SUGCT: variants seen among roughly 807,000 people sequenced by gnomAD.
SUGCT encodes the protein succinyl-CoA:glutarate-CoA transferase.
SUGCT carries 41 observed loss-of-function variants against 55.0 expected under a neutral mutation model. The ratio of observed to expected loss-of-function variants is 0.74; its 90% CI spans 0.58 to 0.97. The LOEUF is 0.97. SUGCT is among the 50% of genes least tolerant of loss of function. The pLI, the probability that SUGCT is intolerant of heterozygous loss-of-function variation, is 0.00. For missense variants in SUGCT, 568 were observed against 547.8 expected, an observed-to-expected ratio of 1.04 and a Z score of -0.37; for synonymous variants, 187 against 200.4, an observed-to-expected ratio of 0.93 and a Z score of 0.56.
chr7:40,707,511 T>C (rs1785485726), intron 12 of SUGCT, among the ~76,000 whole-genome samples: 1 of 152,186 alleles, frequency 6.6e-6, no homozygotes, highest in Non-Finnish European at 1.5e-5. Flanking sequence ...AAACAAATCA[T>C]GGAGAATGTA....
intron 11 of SUGCT, among the ~76,000 whole-genome samples, chr7:40,478,217 C>G (rs1790815231): frequency 6.6e-6 from 1 of 151,944 alleles, no homozygotes; most frequent in South Asian, 2.1e-4. Context: ...TGTTGCCTAG[C>G]TTTGTCTTGA....
chr7:40,191,856 T>A (rs575673130), intron 5 of SUGCT, among the ~76,000 whole-genome samples: 157 of 152,312 alleles, frequency 1.0e-3, no homozygotes, highest in African/African-American at 3.5e-3. Flanking sequence ...ACGCCTGTAA[T>A]CCCAGCACTT....
chr7:40,570,133 G>A (rs1796361939), intron 12 of SUGCT, among the ~76,000 whole-genome samples: 1 of 152,200 alleles, frequency 6.6e-6, no homozygotes, highest in Non-Finnish European at 1.5e-5. Flanking sequence ...TTAGTTACCT[G>A]AAGTTGCTAC....
At chr7:40,942,215 G>C in the SUGCT span, among the ~76,000 whole-genome samples, 4 of 152,092 alleles carry the variant, frequency 2.6e-5, no homozygotes, top group South Asian at 2.1e-4. Flanking sequence ...TTTGTTTCAA[G>C]ATTTAGAATT....
chr7:40,539,399 A>G (rs939263400), intron 12 of SUGCT: 1 of 152,230 alleles, frequency 6.6e-6, no homozygotes, highest in Non-Finnish European at 1.5e-5. Flanking sequence ...AAAAAAATGT[A>G]TCTATGAATG....
In SUGCT at chr7:40,741,559, C is replaced by T. The variant is rs995697254; in HGVS notation, c.1090-7875C>T. ...AGGAAAATTATTTGTCATTACCCAACAAGTGAAGATATATTTAACACTATG... is the reference window on the plus strand; with the variant it reads ...AGGAAAATTATTTGTCATTACCCAATAAGTGAAGATATATTTAACACTATG... On this transcript the variant is annotated intron_variant, in intron 12 of 13. Coordinates refer to ENST00000335693, the MANE Select transcript of SUGCT (RefSeq NM_001193313.2). Among the ~76,000 whole-genome samples the T allele has an allele frequency of 3.3e-5, 5 of 152,256 alleles. No homozygotes were observed. In the South Asian group the frequency reaches 1.0e-3, roughly 32 times the overall value.
chr7:40,484,591 A>G (rs980872101), intron 11 of SUGCT, among the ~76,000 whole-genome samples: 7 of 152,276 alleles, frequency 4.6e-5, no homozygotes, highest in South Asian at 4.1e-4. Context: ...TCCTCCAGCT[A>G]AGAGATTTGA....
chr7:40,533,149 T>C (rs1003350015), intron 12 of SUGCT, among the ~76,000 whole-genome samples: 4 of 152,180 alleles, frequency 2.6e-5, no homozygotes, highest in African/African-American at 9.6e-5. Context: ...AAAACAGAAA[T>C]GTATAAAGGT....
At chr7:40,616,684 C>G (rs190052799) in intron 12 of SUGCT, among the ~76,000 whole-genome samples, 78 of 152,296 alleles carry the variant, frequency 5.1e-4, no homozygotes, top group African/African-American at 1.9e-3. Flanking sequence ...CAAGGAAAGA[C>G]TCTGAAGGTG....
chr7:40,361,507 G>T (rs1460269454), intron 9 of SUGCT, among the ~76,000 whole-genome samples: 2 of 151,808 alleles, frequency 1.3e-5, no homozygotes, highest in African/African-American at 4.8e-5. Context: ...GCAGGAGGCG[G>T]AGCTTGCAGT....
chr7:40,305,828 A>AT (rs898754450), intron 8 of SUGCT, among the ~76,000 whole-genome samples: 131 of 149,316 alleles, frequency 8.8e-4, no homozygotes, highest in African/African-American at 3.0e-3. Context: ...CGCCCAGTTA[A>AT]TTTTTTTTTT....
chr7:41,001,694 C>T, the SUGCT span, among the ~76,000 whole-genome samples: 1 of 152,072 alleles, frequency 6.6e-6, no homozygotes, highest in East Asian at 1.9e-4. Flanking sequence ...GGGTCTTTTT[C>T]TTTATAAGGG....
intron 1 of SUGCT, chr7:40,152,997 G>A (rs562270099): frequency 4.2e-5 from 8 of 188,260 alleles, no homozygotes; most frequent in East Asian, 1.8e-4. Context: ...GAGCCACTGC[G>A]CCCAGCCAAT....
At chr7:40,605,332 T>C (rs1350268806) in intron 12 of SUGCT, among the ~76,000 whole-genome samples, 1 of 152,230 alleles carries the variant, frequency 6.6e-6, no homozygotes, top group Non-Finnish European at 1.5e-5. Context: ...TGTACGTCTT[T>C]ATGTTCACAG....
chr7:40,898,025 C>T, the SUGCT span, among the ~76,000 whole-genome samples: 1 of 152,142 alleles, frequency 6.6e-6, no homozygotes, highest in African/African-American at 2.4e-5. Context: ...AAGGTGTGTT[C>T]TTTCGCTTTT....
At chr7:40,731,410 A>G (rs1039673163) in intron 12 of SUGCT, among the ~76,000 whole-genome samples, 1 of 152,188 alleles carries the variant, frequency 6.6e-6, no homozygotes, top group Non-Finnish European at 1.5e-5. Flanking sequence ...CCTTTGAAAT[A>G]CCTGTTCCTC....
intron 9 of SUGCT, among the ~76,000 whole-genome samples, chr7:40,416,917 C>T: frequency 6.6e-6 from 1 of 151,936 alleles, no homozygotes; most frequent in South Asian, 2.1e-4. Context: ...GCTTTAATTG[C>T]CTTGATAATC....
chr7:40,448,138 G>C (rs1392026739), intron 9 of SUGCT, among the ~76,000 whole-genome samples: 1 of 151,884 alleles, frequency 6.6e-6, no homozygotes, highest in Non-Finnish European at 1.5e-5. Flanking sequence ...AAATTAAAGA[G>C]TGCCCAAAAG....
intron 13 of SUGCT, among the ~76,000 whole-genome samples, chr7:40,785,479 G>C (rs1358317504): frequency 6.6e-6 from 1 of 152,236 alleles, no homozygotes; most frequent in South Asian, 2.1e-4. Flanking sequence ...AGGAACTTAA[G>C]GTAAATCCAG....
Sources: gnomAD v4.1 joint callset for allele counts (sites outside exome capture counted in the v4.1 genomes callset) on GRCh38, gnomAD v4.1.1 for gene constraint, MANE v1.5 for transcripts, NCBI Gene and HGNC (gene_info 2026-07-23, HGNC 2026-07-21) for gene names.